KCNN2: variants seen among roughly 807,000 people sequenced by gnomAD.
KCNN2 encodes small conductance calcium-activated potassium channel protein 2.
KCNN2 carries 24 observed loss-of-function variants against 55.5 expected under a neutral mutation model. The ratio of observed to expected loss-of-function variants is 0.43; its 90% CI spans 0.31 to 0.61. The LOEUF (loss-of-function observed/expected upper bound fraction) is 0.61, where lower values mean the gene tolerates loss of function less well. KCNN2 is among the 20% of genes least tolerant of loss of function. The pLI is 0.08. For missense variants in KCNN2, 754 were observed against 853.6 expected (o/e 0.88, Z 1.45); for synonymous variants, 431 against 336.1 (o/e 1.28, Z -3.09).
Position 114,139,686 on chromosome 5 carries a change from T to A in KCNN2, c.-270-81794T>A, listed in dbSNP as rs1752238124. ...CAACTTCCCCTATGCTTGTAAGCCA[T>A]GTCTAAATATTCACATATACACTTG... On this transcript the variant is annotated intron_variant, in intron 1 of 10. Transcript: ENST00000512097. Among the ~76,000 whole-genome samples, 5 of 151,676 alleles carry A rather than the reference T, an allele frequency of 3.3e-5. No individual in the cohort carries two copies. The South Asian group carries it at 1.0e-3, about 31-fold the overall frequency.
intron 1 of KCNN2, among the ~76,000 whole-genome samples, chr5:114,097,195 A>T (rs1252363527): frequency 6.6e-6 from 1 of 152,210 alleles, no homozygotes; most frequent in African/African-American, 2.4e-5. Flanking sequence ...CTTGTAGGTG[A>T]CATTACAAAT....
chr5:114,367,989 T>C (rs1757652928), intron 2 of KCNN2, among the ~76,000 whole-genome samples: 1 of 152,202 alleles, frequency 6.6e-6, no homozygotes, highest in Non-Finnish European at 1.5e-5. Context: ...TTGTTTGTTT[T>C]TGTAATGTAC....
chr5:114,370,939 A>C (rs1410513899), intron 2 of KCNN2, among the ~76,000 whole-genome samples: 1 of 147,072 alleles, frequency 6.8e-6, no homozygotes, highest in Non-Finnish European at 1.5e-5. Context: ...TGGTCTGGAT[A>C]CTATTAGGTA....
chr5:114,402,961 G>GA (rs1034542661), intron 2 of KCNN2, among the ~76,000 whole-genome samples: 34 of 152,274 alleles, frequency 2.2e-4, no homozygotes, highest in African/African-American at 8.2e-4. Flanking sequence ...AAAAGGGCCT[G>GA]AAAAAAAGAG....
At chr5:114,174,849 T>C (rs1274259080) in intron 1 of KCNN2, among the ~76,000 whole-genome samples, 1 of 152,214 alleles carries the variant, frequency 6.6e-6, no homozygotes, top group East Asian at 1.9e-4. Context: ...CTGGATTTTC[T>C]GTCCAAGACA....
intron 4 of KCNN2, among the ~76,000 whole-genome samples, chr5:114,465,266 T>TTCTTGAACTGCCTCTTGCTCAGGTTTC (rs1396931306): frequency 6.6e-6 from 1 of 152,184 alleles, no homozygotes; most frequent in Non-Finnish European, 1.5e-5. Context: ...TTTATTTACC[T>TTCTTGAACTGCCTCTTGCTCAGGTTTC]TCTTGAACTG....
At chr5:114,272,304 TCA>T (rs1247519116) in intron 2 of KCNN2, among the ~76,000 whole-genome samples, 4,369 of 58,356 alleles carry the variant, frequency 0.075, 342 homozygotes, top group African/African-American at 0.16. Flanking sequence ...TATGTACATA[TCA>T]CACACACACA....
intron 1 of KCNN2, among the ~76,000 whole-genome samples, chr5:114,080,366 T>C (rs1156322807): frequency 1.3e-5 from 2 of 152,240 alleles, no homozygotes; most frequent in Non-Finnish European, 2.9e-5. Context: ...TGAAAGAATT[T>C]GTTTGAGATC....
chr5:114,380,068 AG>A lies in KCNN2; in HGVS notation c.1218+16068del, dbSNP rs1380691165. 2.1e-4 allele frequency among the ~76,000 whole-genome samples: 32 copies of A among 151,918 alleles called. 1 individual carries two copies. The highest frequency in any genetic ancestry group is 7.7e-4 in the African/African-American group (32 of 41,444). On this transcript the variant is annotated intron_variant, in intron 2 of 7. Transcript: ENST00000673685. Reference sequence around the variant, plus strand: ...GTATTTTTTTTAACTCACTTATTTTAGTCCCATCTTAAGCAACAGTTTCCAT... The same window carrying A: ...GTATTTTTTTTAACTCACTTATTTTATCCCATCTTAAGCAACAGTTTCCAT...
intron 3 of KCNN2, among the ~76,000 whole-genome samples, chr5:114,429,870 T>A (rs550459777): frequency 7.1e-6 from 1 of 140,060 alleles, no homozygotes; most frequent in Non-Finnish European, 1.5e-5. Flanking sequence ...TGTTCTAGCA[T>A]CATTTGTGGA....
intron 1 of KCNN2, among the ~76,000 whole-genome samples, chr5:114,170,786 A>G (rs1306610877): frequency 2.6e-5 from 4 of 151,960 alleles, no homozygotes; most frequent in African/African-American, 4.8e-5. Context: ...TAAGCTTTAT[A>G]TATCTTTCAG....
chr5:114,272,342 A>ATATGTGTGTATATG (rs1561548992), intron 2 of KCNN2, among the ~76,000 whole-genome samples: 2 of 70,474 alleles, frequency 2.8e-5, no homozygotes, highest in Non-Finnish European at 6.4e-5. Flanking sequence ...ATACACACAT[A>ATATGTGTGTATATG]TATGTATGTA....
intron 1 of KCNN2, among the ~76,000 whole-genome samples, chr5:114,178,276 C>A (rs1486009421): frequency 6.6e-6 from 1 of 152,144 alleles, no homozygotes; most frequent in Non-Finnish European, 1.5e-5. Context: ...TGGAAGGTGG[C>A]CAAATGAGAG....
chr5:114,210,610 A>G (rs141079393), intron 1 of KCNN2, among the ~76,000 whole-genome samples: 54 of 152,322 alleles, frequency 3.5e-4, no homozygotes, highest in African/African-American at 1.2e-3. Flanking sequence ...GAATTTTGCT[A>G]TATATAAAAC....
chr5:114,449,736 A>G (rs943392467), intron 3 of KCNN2, among the ~76,000 whole-genome samples: 3 of 151,966 alleles, frequency 2.0e-5, no homozygotes, highest in African/African-American at 7.3e-5. Context: ...AAATATCCAC[A>G]GGGATTTTTT....
rs142060538 is a variant in KCNN2, at chr5:114,115,374, G to A, written c.-271+58874G>A. Among the ~76,000 whole-genome samples, 20 of 152,228 alleles carry A rather than the reference G, an allele frequency of 1.3e-4. No homozygotes were observed. In the East Asian group the frequency reaches 3.7e-3, roughly 28 times the overall value. On this transcript the variant is annotated intron_variant, in intron 1 of 10. Transcript: ENST00000512097. Reference sequence around the variant, plus strand: ...TCAGACCATAGCTAGCATTGTGCAAGTTTTAAAGACAACAAATTAACATTC... The same window carrying A: ...TCAGACCATAGCTAGCATTGTGCAAATTTTAAAGACAACAAATTAACATTC...
chr5:114,187,094 A>G (rs1037429861), intron 1 of KCNN2, among the ~76,000 whole-genome samples: 2 of 152,196 alleles, frequency 1.3e-5, no homozygotes, highest in African/African-American at 4.8e-5. Flanking sequence ...AGAAAAATCT[A>G]TTAATTTGGT....
At chr5:114,431,217 C>T (rs1305861964) in intron 3 of KCNN2, among the ~76,000 whole-genome samples, 1 of 152,000 alleles carries the variant, frequency 6.6e-6, no homozygotes, top group South Asian at 2.1e-4. Flanking sequence ...CCCATGTGGT[C>T]CTGGGGCTTT....
chr5:114,254,211 A>G (rs929430738), intron 2 of KCNN2, among the ~76,000 whole-genome samples: 12 of 152,234 alleles, frequency 7.9e-5, no homozygotes, highest in African/African-American at 2.9e-4. Flanking sequence ...GAAAAACAAT[A>G]CGAAAAGATA....
Sources: allele counts gnomAD v4.1 joint callset (sites outside exome capture counted in the v4.1 genomes callset), GRCh38; gene constraint gnomAD v4.1.1; transcripts MANE v1.5; gene names NCBI Gene and HGNC (gene_info 2026-07-23, HGNC 2026-07-21).